Variants in CORO1C observed in about 807,000 individuals in gnomAD.
CORO1C encodes the protein coronin 1C.
A neutral mutation model predicts 51.2 loss-of-function variants in CORO1C; 14 were observed. The ratio of observed to expected loss-of-function variants is 0.27; its 90% CI spans 0.18 to 0.43. The LOEUF (loss-of-function observed/expected upper bound fraction) is 0.43. Among genes scored for constraint, CORO1C ranks in the 20% least tolerant of loss-of-function variants. The pLI, the probability that CORO1C is intolerant of heterozygous loss-of-function variation, is 1.00. For synonymous variants in CORO1C, 181 were observed against 210.5 expected (o/e 0.86, Z 1.21); for missense variants, 417 against 607.8 (o/e 0.69, Z 3.30).
intron 3 of CORO1C, among the ~76,000 whole-genome samples, chr12:108,662,788 T>C (rs1477230898): frequency 6.6e-6 from 1 of 152,130 alleles, no homozygotes; most frequent in Non-Finnish European, 1.5e-5. Context: ...TTTTATAACA[T>C]GTATTATAGA....
chr12:108,648,479 T>G, intron 10 of CORO1C, 126 bp downstream of exon 10: 1 of 1,320,756 alleles, frequency 7.6e-7, no homozygotes, highest in Non-Finnish European at 1.0e-6. Flanking sequence ...TCTCCCACTT[T>G]TTCATTTACT....
intron 2 of CORO1C, among the ~76,000 whole-genome samples, chr12:108,679,019 G>C (rs1338853957): frequency 6.8e-6 from 1 of 148,070 alleles, no homozygotes; most frequent in Non-Finnish European, 1.5e-5. Context: ...GCTGAGGCAG[G>C]AGTATCGCTT....
intron 2 of CORO1C, among the ~76,000 whole-genome samples, chr12:108,684,686 G>A (rs1182623383): frequency 6.6e-6 from 1 of 152,042 alleles, no homozygotes; most frequent in Non-Finnish European, 1.5e-5. Context: ...ACCTGTATCT[G>A]TTATGCTTTA....
At chr12:108,657,933 G>C (rs535556794) in intron 5 of CORO1C, among the ~76,000 whole-genome samples, 2 of 152,296 alleles carry the variant, frequency 1.3e-5, no homozygotes, top group South Asian at 4.1e-4. Context: ...AGTCCCCAGG[G>C]CTCAGTAAGC....
chr12:108,691,920 G>A lies in CORO1C; in HGVS notation c.195+9204C>T, dbSNP rs555244990. On this transcript the variant is annotated intron_variant, in intron 2 of 10. Transcript: ENST00000261401. The stretch of plus-strand genomic sequence containing the variant: ...ACTCACTGTCATCAAAAATAGCCCC[G>A]GGGTACATTGGGAAGTTCCTTCTGC... Among the ~76,000 whole-genome samples the A allele has an allele frequency of 3.9e-5, 6 of 152,248 alleles. No individual in the cohort carries two copies. The East Asian group carries it at 7.7e-4, about 20-fold the overall frequency.
chr12:108,650,579 C>A (rs2047669477), intron 8 of CORO1C, among the ~76,000 whole-genome samples: 1 of 152,096 alleles, frequency 6.6e-6, no homozygotes, highest in Non-Finnish European at 1.5e-5. Flanking sequence ...TACCAAAACC[C>A]ACGAGAGTGT....
At chr12:108,718,398 G>C (rs1385565910) in intron 1 of CORO1C, among the ~76,000 whole-genome samples, 3 of 151,016 alleles carry the variant, frequency 2.0e-5, no homozygotes, top group Non-Finnish European at 3.0e-5. Context: ...AAAAATTAGT[G>C]GGGTGTGGTG....
chr12:108,720,944 A>G (rs969376227), intron 1 of CORO1C, among the ~76,000 whole-genome samples: 5 of 152,230 alleles, frequency 3.3e-5, no homozygotes, highest in Non-Finnish European at 7.3e-5. Context: ...CAATTACTCA[A>G]TTAACATTTA....
chr12:108,677,129 C>G (rs1042784091), intron 3 of CORO1C, among the ~76,000 whole-genome samples: 2 of 152,166 alleles, frequency 1.3e-5, no homozygotes, highest in South Asian at 2.1e-4. Context: ...AATGCTGACA[C>G]GTGCGAGACT....
chr12:108,665,818 CCT>C (rs767991524), intron 3 of CORO1C, among the ~76,000 whole-genome samples: 317 of 152,328 alleles, frequency 2.1e-3, no homozygotes, highest in Non-Finnish European at 3.5e-3. Flanking sequence ...TGACTGAATT[CCT>C]GATTCAGTCA....
intron 2 of CORO1C, among the ~76,000 whole-genome samples, chr12:108,681,273 G>A (rs1405956056): frequency 1.3e-5 from 2 of 152,194 alleles, no homozygotes. Context: ...TAAAAGAATG[G>A]AACAGAGGCA....
intron 1 of CORO1C, among the ~76,000 whole-genome samples, chr12:108,705,518 C>T (rs2035004716): frequency 6.7e-6 from 1 of 150,086 alleles, no homozygotes; most frequent in African/African-American, 2.5e-5. Context: ...AAGCCCAGAC[C>T]CAGATGACTT....
chr12:108,688,333 A>G (rs1449830303), intron 2 of CORO1C, among the ~76,000 whole-genome samples: 6 of 152,214 alleles, frequency 3.9e-5, no homozygotes, highest in Admixed American at 1.3e-4. Flanking sequence ...TAATGTACAC[A>G]AACATGTACA....
At chr12:108,690,488 G>A (rs1406666231) in intron 2 of CORO1C, among the ~76,000 whole-genome samples, 1 of 152,160 alleles carries the variant, frequency 6.6e-6, no homozygotes, top group Non-Finnish European at 1.5e-5. Context: ...TAAAAACTGG[G>A]TTTAATACTG....
chr12:108,653,598 G>T (rs2032787807), intron 7 of CORO1C, among the ~76,000 whole-genome samples: 1 of 152,160 alleles, frequency 6.6e-6, no homozygotes. Context: ...GGAACTATAA[G>T]GTTCCCACTT....
At chr12:108,722,056 C>T (rs2035485859) in intron 1 of CORO1C, among the ~76,000 whole-genome samples, 1 of 152,204 alleles carries the variant, frequency 6.6e-6, no homozygotes, top group Non-Finnish European at 1.5e-5. Context: ...TACGTGGGGT[C>T]TGCCTGACTT....
At chr12:108,663,382 T>C (rs1206217540) in intron 3 of CORO1C, among the ~76,000 whole-genome samples, 3 of 152,224 alleles carry the variant, frequency 2.0e-5, no homozygotes, top group Non-Finnish European at 4.4e-5. Flanking sequence ...TGTACAAGAA[T>C]GTTCATAGAA....
Position 108,717,603 on chromosome 12 carries a change from A to G in CORO1C, c.-6+13826T>C, listed in dbSNP as rs548387909. On this transcript the variant is annotated intron_variant, in intron 1 of 10. Transcript: ENST00000261401. ...AAAGACTTGAAGTCAACTGAATTTA[A>G]AACTGTTTTAGATATGAAGGGTGCA... 8.5e-4 allele frequency among the ~76,000 whole-genome samples: 130 copies of G among 152,238 alleles called. 1 individual carries two copies. The highest frequency in any genetic ancestry group is 5.0e-3 in the South Asian group (24 of 4,814).
intron 1 of CORO1C, among the ~76,000 whole-genome samples, chr12:108,712,713 G>C (rs2035218874): frequency 6.6e-6 from 1 of 151,696 alleles, no homozygotes; most frequent in Non-Finnish European, 1.5e-5. Flanking sequence ...CGGGCACGTT[G>C]GCTCACGCCT....
Sources: gnomAD v4.1 joint callset for allele counts (sites outside exome capture counted in the v4.1 genomes callset) on GRCh38, gnomAD v4.1.1 for gene constraint, MANE v1.5 for transcripts, NCBI Gene and HGNC (gene_info 2026-07-23, HGNC 2026-07-21) for gene names.